Variants in AFP observed in about 807,000 individuals in gnomAD.
AFP encodes the protein alpha-fetoprotein.
AFP carries 64 observed loss-of-function variants against 78.9 expected under a neutral mutation model. The observed-to-expected ratio is 0.81, with a 90% CI of 0.66 to 1.00. The LOEUF (loss-of-function observed/expected upper bound fraction) is 1.00, where lower values mean the gene tolerates loss of function less well. Among genes scored for constraint, AFP ranks in the 50% least tolerant of loss-of-function variants. The pLI, the probability that AFP is intolerant of heterozygous loss-of-function variation, is 0.00. For missense variants in AFP, 689 were observed against 703.8 expected (o/e 0.98, Z 0.24); for synonymous variants, 254 against 243.8 (o/e 1.04, Z -0.39).
intron 4 of AFP, among the ~76,000 whole-genome samples, chr4:73,442,014 A>C (rs1719683648): frequency 6.6e-6 from 1 of 152,216 alleles, no homozygotes; most frequent in Admixed American, 6.5e-5. Flanking sequence ...GGACCTTTTA[A>C]TAAGAATCAT....
At position 73,452,492 on chromosome 4, in the gene AFP, A is replaced by C. The variant is rs754296052; in HGVS notation, c.1520A>C (p.Asn507Thr). 1.2e-6 allele frequency: 2 copies of C among 1,614,152 alleles called. No individual in the cohort carries two copies. The highest frequency in any genetic ancestry group is 1.7e-6 in the Non-Finnish European group (2 of 1,180,004). The change falls in exon 12 of 15, where the codon AAC becomes ACC. Residue 507 changes from asparagine to threonine, a missense_variant. Physicochemically the swap from Asn to Thr is moderately conservative, Grantham distance 65 (BLOSUM62 0). Coordinates refer to ENST00000395792, the MANE Select transcript of AFP (RefSeq NM_001134.3). Reference sequence around the variant, plus strand: ...CAGTGCTGCACTTCTTCATATGCCAACAGGAGGCCATGCTTCAGCAGCTTG... The same window carrying C: ...CAGTGCTGCACTTCTTCATATGCCACCAGGAGGCCATGCTTCAGCAGCTTG... Reference protein sequence around the residue: ...VGQCCTSSYANRRPCFSSLVV... With the variant: ...VGQCCTSSYATRRPCFSSLVV...
chr4:73,449,521 G>A, intron 9 of AFP, 54 bp downstream of exon 9: 1 of 1,599,954 alleles, frequency 6.3e-7, no homozygotes, highest in Non-Finnish European at 8.6e-7. Flanking sequence ...GATATCATCT[G>A]TTAAAAATGC....
At chr4:73,445,146 T>C (rs928470987) in intron 7 of AFP, 24 bp downstream of exon 7, 10 of 1,613,034 alleles carry the variant, frequency 6.2e-6, no homozygotes, top group South Asian at 5.5e-5. Context: ...CTTCTTAAAA[T>C]AGAAGATTTT....
intron 13 of AFP, among the ~76,000 whole-genome samples, chr4:73,454,843 G>A (rs111498923): frequency 9.2e-5 from 14 of 152,230 alleles, no homozygotes; most frequent in African/African-American, 3.4e-4. Context: ...GATTTGATGT[G>A]AAGCATTTCT....
intron 7 of AFP, among the ~76,000 whole-genome samples, chr4:73,447,135 A>G (rs1022098342): frequency 7.2e-5 from 11 of 152,150 alleles, no homozygotes; most frequent in Admixed American, 3.9e-4. Flanking sequence ...TAGATTTAAA[A>G]GTCTGATTCT....
chr4:73,455,853 A>G lies in AFP; in HGVS notation c.*233A>G. On this transcript the variant is annotated 3_prime_UTR_variant, in exon 15 of 15. Coordinates refer to ENST00000395792, the MANE Select transcript of AFP (RefSeq NM_001134.3). ...TTTTGTATACCATTGTCTGAAGCAG[A>G]TTCTGTTAAAATAGCATTAAGTGTT... is the stretch of plus-strand genomic sequence containing the variant. 1.8e-6 allele frequency: 1 copy of G among 562,744 alleles called. No homozygotes were observed. The highest frequency in any genetic ancestry group is 3.1e-6 in the Non-Finnish European group (1 of 321,832). The allele number at this position is 562,744 out of a possible 1,614,324, so 34.9% of individuals were successfully genotyped here.
chr4:73,440,537 T>C (rs776089965), intron 3 of AFP, 65 bp from the exon 4 acceptor site: 44 of 1,275,172 alleles, frequency 3.5e-5, no homozygotes, highest in Non-Finnish European at 5.0e-5. Flanking sequence ...AAATGTTTCA[T>C]GTGTCTTATA....
rs368290434 is a variant in AFP, at chr4:73,440,681, G to C, written c.350G>C (p.Ser117Thr). ...KYGHSDCCSQ[S>T]EEGRHNCFLA... ...GGACATTCAGACTGCTGCAGCCAAA[G>C]TGAAGAGGGAAGACATAACTGTTTT... The change falls in exon 4 of 15, where the codon AGT becomes ACT. Residue 117 changes from serine (S) to threonine (T), a missense_variant. Transcript: ENST00000395792. 2 of 1,614,052 alleles carry C rather than the reference G, an allele frequency of 1.2e-6. No individual in the cohort carries two copies. Among genetic ancestry groups the C allele is most frequent in the African/African-American group, 2.7e-5 (2 of 74,910 alleles).
At chr4:73,443,227 G>A (rs1324354096) in intron 5 of AFP, 120 bp from the exon 6 acceptor site, 5 of 792,744 alleles carry the variant, frequency 6.3e-6, no homozygotes, top group African/African-American at 5.3e-5. Context: ...ATAATTTTTA[G>A]TAAAAAACAT....
rs1719945922 is a variant in AFP at position 73,450,140 on chromosome 4, T to C, written c.1289+7T>C. 1.3e-6 allele frequency: 2 copies of C among 1,595,846 alleles called. No homozygotes were observed. The highest frequency in any genetic ancestry group is 2.2e-5 in the South Asian group (2 of 90,192). ...AATATTACTTACAAAATGCGTATGT[T>C]TTTGTAAACAGTATTTTTAGTGAAT... is the stretch of plus-strand genomic sequence containing the variant. On this transcript the variant is annotated splice_region_variant and intron_variant, in intron 10 of 14. Coordinates refer to ENST00000395792, the MANE Select transcript of AFP (RefSeq NM_001134.3).
chr4:73,455,560 A>G (rs1244573869), intron 14 of AFP, 71 bp from the exon 15 acceptor site: 1 of 661,364 alleles, frequency 1.5e-6, no homozygotes, highest in Non-Finnish European at 2.7e-6. Flanking sequence ...CTGATATAAA[A>G]TAATAGAACC....
intron 12 of AFP, 119 bp from the exon 13 acceptor site, chr4:73,453,646 C>T: frequency 1.7e-6 from 2 of 1,169,428 alleles, no homozygotes; most frequent in Non-Finnish European, 2.5e-6. Flanking sequence ...TGTGGTCAGT[C>T]TGGTGATAGG....
chr4:73,436,824 T>C (rs28532518), intron 1 of AFP, among the ~76,000 whole-genome samples: 70,317 of 151,584 alleles, frequency 0.46, 16,606 homozygotes, highest in Admixed American at 0.55. Context: ...AACCGTAGTA[T>C]AACTATGTTC....
At position 73,442,277 on chromosome 4, in the gene AFP, G is replaced by C. The variant is rs554507848; in HGVS notation, c.483-19G>C. On this transcript the variant is annotated intron_variant, in intron 4 of 14. Coordinates refer to ENST00000395792, the MANE Select transcript of AFP (RefSeq NM_001134.3). The stretch of plus-strand genomic sequence containing the variant: ...TTTTTAGGTGTTTATAAATCTTCTA[G>C]CTCTATTTTATTTCACAGATTCATT... 1.2e-6 allele frequency: 2 copies of C among 1,609,550 alleles called. No homozygotes were observed. The highest frequency in any genetic ancestry group is 2.7e-5 in the African/African-American group (2 of 74,978).
intron 3 of AFP, among the ~76,000 whole-genome samples, 169 bp from the exon 4 acceptor site, chr4:73,440,433 G>T (rs1167553658): frequency 6.6e-6 from 1 of 152,114 alleles, no homozygotes; most frequent in Admixed American, 6.5e-5. Flanking sequence ...CCATAAGGCA[G>T]CAAAGAAATC....
chr4:73,441,304 C>T (rs1035162201), intron 4 of AFP, among the ~76,000 whole-genome samples: 8 of 151,944 alleles, frequency 5.3e-5, no homozygotes, highest in South Asian at 2.1e-4. Flanking sequence ...CGGTGGCTCA[C>T]GCTTGTAATC....
intron 4 of AFP, 32 bp downstream of exon 4, chr4:73,440,845 C>A (rs1719640580): frequency 6.3e-7 from 1 of 1,584,460 alleles, no homozygotes; most frequent in African/African-American, 1.3e-5. Flanking sequence ...AGATGCAAAC[C>A]TCAGAAACAC....
intron 11 of AFP, among the ~76,000 whole-genome samples, chr4:73,450,963 G>A (rs1279171764): frequency 6.6e-6 from 1 of 152,180 alleles, no homozygotes; most frequent in African/African-American, 2.4e-5. Flanking sequence ...GGTGGCTGGT[G>A]GAAGTTCAGC....
intron 5 of AFP, 128 bp from the exon 6 acceptor site, chr4:73,443,219 A>C (rs1719720721): frequency 5.2e-6 from 4 of 772,806 alleles, no homozygotes; most frequent in Non-Finnish European, 8.7e-6. Flanking sequence ...TGACATTTAT[A>C]ATTTTTAGTA....
Sources: gnomAD v4.1 joint callset for allele counts (sites outside exome capture counted in the v4.1 genomes callset) on GRCh38, gnomAD v4.1.1 for gene constraint, MANE v1.5 for transcripts, NCBI Gene and HGNC (gene_info 2026-07-23, HGNC 2026-07-21) for gene names.